Variants in ZC4H2 observed in about 807,000 individuals in gnomAD.
ZC4H2 encodes the protein zinc finger C4H2 domain-containing protein.
For missense variants in ZC4H2, 137 were observed against 173.9 expected (o/e 0.79, Z 1.19); for synonymous variants, 84 against 66.3 (o/e 1.27, Z -1.30).
rs147854968 is a variant in ZC4H2, at chrX:64,964,428, C to T, written c.53+11897G>A. ...ACCAAGCTATATCATAATCAAATTG[C>T]TCAAAACCAGTAAAGGAGTCAGAAA... On this transcript the variant is annotated intron_variant, in intron 1 of 4. Transcript: ENST00000374839. Among the ~76,000 whole-genome samples the T allele has an allele frequency of 9.0e-5, 10 of 111,145 alleles. No homozygotes were observed. In the East Asian group the frequency reaches 2.5e-3, roughly 28 times the overall value.
chrX:65,016,948 A>G (rs1306655880), intron 1 of ZC4H2, among the ~76,000 whole-genome samples: 2 of 112,292 alleles, frequency 1.8e-5, no homozygotes, highest in Non-Finnish European at 3.8e-5. Context: ...TCTGTAGTCT[A>G]GTGTTCCCAT....
chrX:64,989,524 A>G (rs745561369), intron 1 of ZC4H2, among the ~76,000 whole-genome samples: 20 of 112,137 alleles, frequency 1.8e-4, no homozygotes, highest in African/African-American at 6.5e-4. Flanking sequence ...ATAATCCATA[A>G]AAGGAAAAGC....
upstream of ZC4H2, among the ~76,000 whole-genome samples, chrX:64,977,834 C>T (rs140728075): frequency 8.2e-4 from 92 of 111,632 alleles, no homozygotes; most frequent in African/African-American, 3.0e-3. Flanking sequence ...TTATTCTGCA[C>T]CAAGTAATGT....
At chrX:64,939,459 CA>C (rs1330486830) in intron 1 of ZC4H2, among the ~76,000 whole-genome samples, 1 of 111,726 alleles carries the variant, frequency 9.0e-6, no homozygotes, top group East Asian at 2.8e-4. Context: ...CATATGGAAC[CA>C]AAAAAGAGCC....
At chrX:64,957,025 G>C (rs773221920) in intron 1 of ZC4H2, among the ~76,000 whole-genome samples, 10 of 112,608 alleles carry the variant, frequency 8.9e-5, no homozygotes, top group Non-Finnish European at 1.9e-4. Flanking sequence ...GAGAAGGACT[G>C]TACTTCTACA....
chrX:65,028,119 A>T (rs994947882), intron 1 of ZC4H2, among the ~76,000 whole-genome samples: 4 of 111,479 alleles, frequency 3.6e-5, no homozygotes, highest in African/African-American at 1.3e-4. Flanking sequence ...ATACCTCCCT[A>T]ATCTATGTAT....
intron 1 of ZC4H2, among the ~76,000 whole-genome samples, chrX:64,947,924 GCTGT>G (rs1216907795): frequency 9.1e-6 from 1 of 110,198 alleles, no homozygotes. Context: ...GATTCTGATG[GCTGT>G]CTGATTCATG....
intron 1 of ZC4H2, among the ~76,000 whole-genome samples, chrX:65,028,519 AG>A (rs1036640855): frequency 9.3e-6 from 1 of 107,516 alleles, no homozygotes; most frequent in Non-Finnish European, 1.9e-5. Context: ...TGACAATACC[AG>A]GGTCTCCCTT....
chrX:65,013,334 T>C (rs1021444728), intron 1 of ZC4H2, among the ~76,000 whole-genome samples: 18 of 111,628 alleles, frequency 1.6e-4, no homozygotes, highest in African/African-American at 5.9e-4. Flanking sequence ...CAGTGATCCC[T>C]GCCTTCTAGT....
chrX:64,933,315 A>G (rs1032631577), intron 1 of ZC4H2, among the ~76,000 whole-genome samples: 1 of 111,089 alleles, frequency 9.0e-6, no homozygotes, highest in Non-Finnish European at 1.9e-5. Flanking sequence ...TGTCTTCTTG[A>G]GTAGCTTACT....
chrX:65,006,008 G>T (rs890903371), intron 1 of ZC4H2, among the ~76,000 whole-genome samples: 4 of 111,806 alleles, frequency 3.6e-5, no homozygotes, highest in African/African-American at 9.8e-5. Flanking sequence ...ACCACAATGA[G>T]ATACCATCTC....
intron 2 of ZC4H2, among the ~76,000 whole-genome samples, 189 bp from the exon 3 acceptor site, chrX:64,920,442 T>C (rs1375982535): frequency 8.9e-6 from 1 of 112,164 alleles, no homozygotes; most frequent in Admixed American, 9.4e-5. Flanking sequence ...GGTGATATTC[T>C]AGTGCTTAAC....
chrX:64,922,548 GT>G (rs771542861), intron 1 of ZC4H2, among the ~76,000 whole-genome samples: 1 of 112,191 alleles, frequency 8.9e-6, no homozygotes, highest in East Asian at 2.8e-4. Context: ...TGTTTTGGCT[GT>G]TAGATTGACT....
chrX:64,950,541 G>T (rs1249954299), intron 1 of ZC4H2, among the ~76,000 whole-genome samples: 2 of 111,164 alleles, frequency 1.8e-5, no homozygotes, highest in African/African-American at 6.5e-5. Context: ...CCTGTATTGG[G>T]TGCATATATA....
intron 1 of ZC4H2, among the ~76,000 whole-genome samples, chrX:65,018,982 T>TA (rs1932815842): frequency 9.0e-6 from 1 of 111,706 alleles, no homozygotes; most frequent in Admixed American, 9.5e-5. Context: ...AAGGCCTCTC[T>TA]AGATTCCTCC....
At chrX:64,978,732 T>C (rs190275416), upstream of ZC4H2, among the ~76,000 whole-genome samples, 1 of 109,970 alleles carries the variant, frequency 9.1e-6, no homozygotes, top group Non-Finnish European at 1.9e-5. Flanking sequence ...AGAGAGTGTG[T>C]CTGGAAAAAA....
chrX:64,959,912 G>A (rs2147402173), intron 1 of ZC4H2, among the ~76,000 whole-genome samples: 1 of 111,129 alleles, frequency 9.0e-6, no homozygotes, highest in East Asian at 2.8e-4. Flanking sequence ...CTGATCTTTT[G>A]AAACCATATT....
intron 1 of ZC4H2, chrX:64,922,305 A>G (rs1024920102): frequency 1.3e-5 from 3 of 225,780 alleles, no homozygotes; most frequent in East Asian, 1.1e-4. Context: ...AGAAAAAGAA[A>G]GAAAGAAAGA....
chrX:64,942,494 C>A (rs1216119787), intron 1 of ZC4H2, among the ~76,000 whole-genome samples: 1 of 101,965 alleles, frequency 9.8e-6, no homozygotes, highest in African/African-American at 3.6e-5. Flanking sequence ...CCCCCACCCC[C>A]CAACAGGTCC....
Sources: gnomAD v4.1 joint callset for allele counts (sites outside exome capture counted in the v4.1 genomes callset) on GRCh38, gnomAD v4.1.1 for gene constraint, MANE v1.5 for transcripts, NCBI Gene and HGNC (gene_info 2026-07-23, HGNC 2026-07-21) for gene names.